Variants in IGFBP7 observed in about 807,000 individuals in gnomAD.
IGFBP7 encodes the protein insulin like growth factor binding protein 7.
IGFBP7 carries 31 observed loss-of-function variants against 29.4 expected under a neutral mutation model. The ratio of observed to expected loss-of-function variants is 1.05; its 90% CI spans 0.79 to 1.42. IGFBP7 has a LOEUF of 1.42. Ranked by LOEUF, IGFBP7 falls within the 40% of genes most tolerant of loss-of-function variation. IGFBP7 has a pLI of 0.00. For missense variants in IGFBP7, 393 were observed against 395.5 expected (o/e 0.99, Z 0.05); for synonymous variants, 172 against 174.9 (o/e 0.98, Z 0.13).
At chr4:57,095,666 G>A (rs6554414) in intron 1 of IGFBP7, among the ~76,000 whole-genome samples, 141,878 of 152,188 alleles carry the variant, frequency 0.93, 66,187 homozygotes, top group Middle Eastern at 0.98. Context: ...TGATTAGAGG[G>A]GAGATGATAA....
chr4:57,074,786 C>T (rs1413845751), intron 1 of IGFBP7, among the ~76,000 whole-genome samples: 2 of 152,218 alleles, frequency 1.3e-5, no homozygotes, highest in Admixed American at 6.5e-5. Context: ...GCCACAAGCA[C>T]CCAAGGACTG....
chr4:57,063,671 G>C (rs1724849584), intron 1 of IGFBP7, among the ~76,000 whole-genome samples: 1 of 152,176 alleles, frequency 6.6e-6, no homozygotes. Flanking sequence ...ATTTGGAAAA[G>C]ATTCAAGTGC....
At chr4:57,053,655 C>T (rs908451275) in intron 1 of IGFBP7, among the ~76,000 whole-genome samples, 4 of 152,068 alleles carry the variant, frequency 2.6e-5, no homozygotes, top group Admixed American at 6.5e-5. Flanking sequence ...ACACTATCAT[C>T]CTAATACCAG....
rs143542003 is a variant in IGFBP7 at position 57,043,780 on chromosome 4, C to T, written c.476-2847G>A. Among the ~76,000 whole-genome samples, 65 of 152,296 alleles carry T rather than the reference C, an allele frequency of 4.3e-4. No individual in the cohort carries two copies. The East Asian group carries it at 0.011, about 26-fold the overall frequency. On this transcript the variant is annotated intron_variant, in intron 1 of 4. Transcript: ENST00000295666. Reference sequence around the variant, plus strand: ...GGTGAGCACAGTGGTGCAGTATTTACGTTTCTGGCTCTGTCTCAGACATTT... The same window carrying T: ...GGTGAGCACAGTGGTGCAGTATTTATGTTTCTGGCTCTGTCTCAGACATTT...
At chr4:57,058,528 G>T (rs1724726483) in intron 1 of IGFBP7, among the ~76,000 whole-genome samples, 1 of 152,180 alleles carries the variant, frequency 6.6e-6, no homozygotes, top group African/African-American at 2.4e-5. Context: ...ATGGTGCTGG[G>T]ATAACTGGCT....
chr4:57,086,718 A>C (rs576213134), intron 1 of IGFBP7, among the ~76,000 whole-genome samples: 1 of 152,208 alleles, frequency 6.6e-6, no homozygotes, highest in East Asian at 1.9e-4. Flanking sequence ...TACACATACA[A>C]ATTTTACCAT....
chr4:57,073,231 GTGGTAT>G, intron 1 of IGFBP7: 1 of 665,952 alleles, frequency 1.5e-6, no homozygotes, highest in Non-Finnish European at 2.3e-6. Context: ...ATCTTGAGCT[GTGGTAT>G]TATTATTATT....
At position 57,072,839 on chromosome 4, in the gene IGFBP7, C is replaced by T. The variant is rs1341876710; in HGVS notation, c.476-31906G>A. On this transcript the variant is annotated intron_variant, in intron 1 of 4. Coordinates refer to ENST00000295666, the MANE Select transcript of IGFBP7 (RefSeq NM_001553.3). ...TGAAGACCTGAGGTATAAGCTCTCC[C>T]TAGAGCTCCCCAGGGGCTACCCTTA... The T allele has an allele frequency of 5.0e-6, 3 of 599,180 alleles. No homozygotes were observed. The African/African-American group carries it at 5.5e-5, about 11-fold the overall frequency. 37.1% of individuals were successfully genotyped at this position (599,180 alleles called of 1,614,324 possible). A position where few individuals can be genotyped will look rare whatever the true frequency, so the allele number is the denominator to read the frequency against.
intron 1 of IGFBP7, among the ~76,000 whole-genome samples, chr4:57,086,862 C>A (rs1246785122): frequency 1.3e-5 from 2 of 152,096 alleles, no homozygotes; most frequent in Admixed American, 6.5e-5. Flanking sequence ...GCCTTCTGAG[C>A]AGCTGGGATT....
chr4:57,050,276 G>A (rs1409919907), intron 1 of IGFBP7, among the ~76,000 whole-genome samples: 3 of 142,080 alleles, frequency 2.1e-5, no homozygotes, highest in African/African-American at 5.3e-5. Flanking sequence ...ACAGAGTTTC[G>A]CTCTTTCGCT....
intron 1 of IGFBP7, among the ~76,000 whole-genome samples, chr4:57,102,223 C>T (rs1012092847): frequency 6.6e-6 from 1 of 152,120 alleles, no homozygotes; most frequent in African/African-American, 2.4e-5. Flanking sequence ...ACTGAACTAT[C>T]CAAGAGAGCC....
intron 1 of IGFBP7, among the ~76,000 whole-genome samples, chr4:57,059,676 C>A (rs1724753627): frequency 2.0e-5 from 3 of 152,046 alleles, no homozygotes; most frequent in African/African-American, 7.2e-5. Context: ...ATAAAATATG[C>A]TGTACAACAA....
intron 1 of IGFBP7, among the ~76,000 whole-genome samples, chr4:57,076,028 G>A (rs1041750956): frequency 1.3e-5 from 2 of 152,204 alleles, no homozygotes; most frequent in African/African-American, 4.8e-5. Context: ...CAAATACCAT[G>A]GACTTGGTGG....
At chr4:57,087,760 C>A (rs1160783998) in intron 1 of IGFBP7, among the ~76,000 whole-genome samples, 1 of 152,198 alleles carries the variant, frequency 6.6e-6, no homozygotes, top group Non-Finnish European at 1.5e-5. Context: ...ATAACCCTAA[C>A]CCTAATCCTT....
chr4:57,097,079 G>A (rs1725779819), intron 1 of IGFBP7, among the ~76,000 whole-genome samples: 1 of 152,056 alleles, frequency 6.6e-6, no homozygotes, highest in South Asian at 2.1e-4. Context: ...TTTCCCCCAT[G>A]AACCATCCAA....
chr4:57,073,042 G>C, intron 1 of IGFBP7: 1 of 1,290,956 alleles, frequency 7.7e-7, no homozygotes, highest in African/African-American at 1.5e-5. Context: ...CGTTGAACAG[G>C]CATGCTGCCA....
intron 1 of IGFBP7, among the ~76,000 whole-genome samples, chr4:57,083,380 A>G (rs1176789205): frequency 6.6e-6 from 1 of 152,188 alleles, no homozygotes; most frequent in African/African-American, 2.4e-5. Context: ...TTGTTGTTCT[A>G]ATTGCATTTC....
chr4:57,033,269 G>T lies in IGFBP7; in HGVS notation c.628C>A (p.Pro210Thr), dbSNP rs746402182. Residue 210 changes from proline to threonine, a missense_variant, in exon 3 of 5, where the codon CCT becomes ACT. By Grantham distance (38) the Pro-to-Thr change is conservative. Transcript: ENST00000295666. Reference sequence around the variant, plus strand: ...ATGGCCAGGTTGTCCCGGTCACCAGGCAGGAGTTCTGTCCTTTGAACTCCA... The same window carrying T: ...ATGGCCAGGTTGTCCCGGTCACCAGTCAGGAGTTCTGTCCTTTGAACTCCA... The part of the protein sequence containing the change: ...HYGVQRTELL[P>T]GDRDNLAIQT... The T allele has an allele frequency of 1.2e-6, 2 of 1,614,152 alleles. No individual in the cohort carries two copies. Among genetic ancestry groups the T allele is most frequent in the Admixed American group, 3.3e-5 (2 of 60,028 alleles).
intron 1 of IGFBP7, among the ~76,000 whole-genome samples, chr4:57,080,100 C>T (rs1313955110): frequency 1.3e-5 from 2 of 152,194 alleles, no homozygotes; most frequent in Admixed American, 6.5e-5. Flanking sequence ...ATTGACATGG[C>T]CCTTTAGCCC....
Sources: allele counts gnomAD v4.1 joint callset (sites outside exome capture counted in the v4.1 genomes callset), GRCh38; gene constraint gnomAD v4.1.1; transcripts MANE v1.5; gene names NCBI Gene and HGNC (gene_info 2026-07-23, HGNC 2026-07-21).